Variants in SEMA5A observed in about 807,000 individuals in gnomAD.
The protein encoded by SEMA5A is semaphorin-5A.
SEMA5A carries 55 observed loss-of-function variants against 135.5 expected under a neutral mutation model. The observed-to-expected ratio is 0.41, with a 90% CI of 0.33 to 0.51. The LOEUF is 0.51. SEMA5A is among the 20% of genes least tolerant of loss of function. The pLI, the probability that SEMA5A is intolerant of heterozygous loss-of-function variation, is 0.37. For synonymous variants in SEMA5A, 580 were observed against 546.5 expected (o/e 1.06, Z -0.85); for missense variants, 1,290 against 1,419.9 (o/e 0.91, Z 1.47).
chr5:9,269,386 A>T (rs1297857248), intron 5 of SEMA5A, among the ~76,000 whole-genome samples: 1 of 152,146 alleles, frequency 6.6e-6, no homozygotes, highest in African/African-American at 2.4e-5. Context: ...CAGTAGAAAG[A>T]CAATGGAGAT....
chr5:9,062,971 T>C lies in SEMA5A; in HGVS notation c.2434A>G (p.Asn812Asp). 6.2e-7 allele frequency: 1 copy of C among 1,614,214 alleles called. No homozygotes were observed. Among genetic ancestry groups the C allele is most frequent in the Non-Finnish European group, 8.5e-7 (1 of 1,180,036 alleles). ...CCCCCATACTTGGGTTCGGGGTTGTTGCAAACACGCTTCCGGTTCCGAATG... is the reference window on the plus strand; with the variant it reads ...CCCCCATACTTGGGTTCGGGGTTGTCGCAAACACGCTTCCGGTTCCGAATG... ...RGIRNRKRVC[N>D]NPEPKYGGMP... Residue 812 changes from asparagine to aspartate, a missense_variant, in exon 18 of 23, where the codon AAC becomes GAC. By Grantham distance (23) the Asn-to-Asp change is conservative (BLOSUM62 1). Coordinates refer to ENST00000382496, the MANE Select transcript of SEMA5A (RefSeq NM_003966.3).
intron 5 of SEMA5A, among the ~76,000 whole-genome samples, chr5:9,293,559 T>C (rs1751189680): frequency 6.6e-6 from 1 of 152,236 alleles, no homozygotes; most frequent in Non-Finnish European, 1.5e-5. Flanking sequence ...TAGGAATAAA[T>C]CTAATACATG....
chr5:9,465,978 G>T (rs943029120), intron 1 of SEMA5A, among the ~76,000 whole-genome samples: 1 of 152,174 alleles, frequency 6.6e-6, no homozygotes, highest in African/African-American at 2.4e-5. Flanking sequence ...TAACCACAGA[G>T]GACCCAGTGG....
intron 1 of SEMA5A, among the ~76,000 whole-genome samples, chr5:9,541,255 A>G (rs1175453028): frequency 1.3e-5 from 2 of 152,236 alleles, no homozygotes; most frequent in African/African-American, 4.8e-5. Context: ...TATCATACAT[A>G]TCTGTAATTG....
chr5:9,533,600 A>G (rs1315038922), intron 1 of SEMA5A, among the ~76,000 whole-genome samples: 1 of 152,208 alleles, frequency 6.6e-6, no homozygotes, highest in Admixed American at 6.5e-5. Context: ...AGTGAATCCA[A>G]TTAATCATGT....
intron 9 of SEMA5A, among the ~76,000 whole-genome samples, chr5:9,199,371 G>T (rs1191267814): frequency 6.6e-6 from 1 of 151,984 alleles, no homozygotes; most frequent in African/African-American, 2.4e-5. Flanking sequence ...GCTGTGCTCT[G>T]GGGGCAAAGG....
intron 2 of SEMA5A, among the ~76,000 whole-genome samples, chr5:9,381,987 C>CGTGTGT (rs1755640063): frequency 3.4e-5 from 1 of 29,216 alleles, no homozygotes; most frequent in African/African-American, 8.6e-5. Context: ...TGTGTGCGCG[C>CGTGTGT]GCGCGCACAT....
intron 1 of SEMA5A, among the ~76,000 whole-genome samples, chr5:9,480,883 G>C (rs1759851012): frequency 6.6e-6 from 1 of 152,136 alleles, no homozygotes; most frequent in African/African-American, 2.4e-5. Context: ...GTTTATTACT[G>C]TTAGTGATAA....
At chr5:9,297,395 CCTT>C (rs1579300046) in intron 5 of SEMA5A, among the ~76,000 whole-genome samples, 1 of 152,020 alleles carries the variant, frequency 6.6e-6, no homozygotes, top group East Asian at 1.9e-4. Context: ...GAGGGTGACA[CCTT>C]CTGATTGAGA....
intron 1 of SEMA5A, among the ~76,000 whole-genome samples, chr5:9,478,931 G>A (rs998018032): frequency 3.3e-5 from 5 of 152,156 alleles, no homozygotes; most frequent in Non-Finnish European, 4.4e-5. Context: ...ATCTCATCTC[G>A]AATTGTAATC....
At chr5:9,046,137 G>A (rs562294418) in intron 21 of SEMA5A, among the ~76,000 whole-genome samples, 77 of 152,262 alleles carry the variant, frequency 5.1e-4, no homozygotes, top group Middle Eastern at 3.4e-3. Context: ...GGCCTCATGT[G>A]CCACCTGCTC....
chr5:9,337,847 A>C, intron 3 of SEMA5A, 35 bp from the exon 4 acceptor site: 1 of 1,442,586 alleles, frequency 6.9e-7, no homozygotes, highest in Non-Finnish European at 9.6e-7. Flanking sequence ...AAAAGATAAA[A>C]ATGAATTATT....
intron 11 of SEMA5A, among the ~76,000 whole-genome samples, chr5:9,183,312 C>G (rs1383510602): frequency 1.3e-5 from 2 of 152,184 alleles, no homozygotes; most frequent in Admixed American, 1.3e-4. Flanking sequence ...TGCGTTCTGC[C>G]CATACCCGAC....
chr5:9,531,847 A>AT (rs1737458090), intron 1 of SEMA5A, among the ~76,000 whole-genome samples: 1 of 152,238 alleles, frequency 6.6e-6, no homozygotes, highest in African/African-American at 2.4e-5. Context: ...TTACCCTAGT[A>AT]TCTTTGCTGG....
At chr5:9,200,248 C>CA (rs1745631936) in intron 9 of SEMA5A, among the ~76,000 whole-genome samples, 1 of 152,194 alleles carries the variant, frequency 6.6e-6, no homozygotes. Flanking sequence ...TGGGAATTTG[C>CA]AACACTAAAC....
chr5:9,074,324 T>C (rs762897687), intron 16 of SEMA5A, among the ~76,000 whole-genome samples: 1 of 152,178 alleles, frequency 6.6e-6, no homozygotes, highest in East Asian at 1.9e-4. Context: ...GATCAATAAC[T>C]TGTTCCATCT....
chr5:9,154,118 T>C (rs896512697), intron 12 of SEMA5A, among the ~76,000 whole-genome samples: 2 of 137,970 alleles, frequency 1.4e-5, no homozygotes, highest in African/African-American at 5.3e-5. Flanking sequence ...TGTGTGTGTA[T>C]GTATGTATGT....
At chr5:9,216,587 TTA>T (rs1746641679) in intron 8 of SEMA5A, among the ~76,000 whole-genome samples, 1 of 151,976 alleles carries the variant, frequency 6.6e-6, no homozygotes, top group African/African-American at 2.4e-5. Context: ...CAGTAGAGTG[TTA>T]AAGTCTCACA....
intron 2 of SEMA5A, among the ~76,000 whole-genome samples, chr5:9,404,792 A>C (rs570385609): frequency 6.6e-6 from 1 of 152,348 alleles, no homozygotes; most frequent in South Asian, 2.1e-4. Context: ...TGAATAAACA[A>C]ATACTAAGAC....
Sources: gnomAD v4.1 joint callset for allele counts (sites outside exome capture counted in the v4.1 genomes callset) on GRCh38, gnomAD v4.1.1 for gene constraint, MANE v1.5 for transcripts, NCBI Gene and HGNC (gene_info 2026-07-23, HGNC 2026-07-21) for gene names.